ELF5: variants seen among roughly 807,000 people sequenced by gnomAD.
The protein encoded by ELF5 is E74 like ETS transcription factor 5.
In ELF5, 31 loss-of-function variants were observed where a neutral mutation model predicts 38.2. That is an observed-to-expected ratio of 0.81 (90% CI 0.61 to 1.10). The LOEUF (loss-of-function observed/expected upper bound fraction) is 1.10, where lower values mean the gene tolerates loss of function less well. ELF5 is among the 50% of genes least tolerant of loss of function. ELF5 has a pLI of 0.00. For synonymous variants in ELF5, 121 were observed against 112.5 expected, an observed-to-expected ratio of 1.08 and a Z score of -0.48; for missense variants, 300 against 306.6, an observed-to-expected ratio of 0.98 and a Z score of 0.16.
intron 4 of ELF5, among the ~76,000 whole-genome samples, chr11:34,483,355 TCTGTGCA>T (rs1360620102): frequency 6.6e-6 from 1 of 152,004 alleles, no homozygotes; most frequent in African/African-American, 2.4e-5. Context: ...TCACTGTCTG[TCTGTGCA>T]CACGAGGGGG....
chr11:34,503,256 T>C (rs1850516216), intron 2 of ELF5, among the ~76,000 whole-genome samples: 2 of 151,958 alleles, frequency 1.3e-5, no homozygotes, highest in African/African-American at 4.8e-5. Flanking sequence ...CCTTCTGAGC[T>C]CAAGGGATCC....
intron 1 of ELF5, among the ~76,000 whole-genome samples, chr11:34,512,995 C>T (rs1850801012): frequency 6.6e-6 from 1 of 152,154 alleles, no homozygotes; most frequent in African/African-American, 2.4e-5. Flanking sequence ...CACGCAGGCC[C>T]GGCTTCAGCC....
intron 4 of ELF5, among the ~76,000 whole-genome samples, chr11:34,485,492 G>C (rs190212084): frequency 6.6e-6 from 1 of 152,186 alleles, no homozygotes; most frequent in African/African-American, 2.4e-5. Context: ...GACAACAAGC[G>C]TTCACTGAAA....
chr11:34,508,764 A>G (rs925313733), intron 1 of ELF5, among the ~76,000 whole-genome samples: 2 of 152,206 alleles, frequency 1.3e-5, no homozygotes, highest in Non-Finnish European at 2.9e-5. Flanking sequence ...ACCATTTTAC[A>G]GTTGAGGAAG....
intron 3 of ELF5, 148 bp downstream of exon 3, chr11:34,493,331 A>T: frequency 1.3e-6 from 1 of 757,884 alleles, no homozygotes; most frequent in Non-Finnish European, 2.2e-6. Flanking sequence ...CTGGCATACT[A>T]GCTTCCAGTT....
chr11:34,481,053 T>G, intron 5 of ELF5, 86 bp from the exon 6 acceptor site: 1 of 1,103,484 alleles, frequency 9.1e-7, no homozygotes, highest in Non-Finnish European at 1.2e-6. Flanking sequence ...GACAGAGTCT[T>G]GCTCTGTCGC....
chr11:34,484,798 C>A (rs553229291), intron 4 of ELF5, among the ~76,000 whole-genome samples: 1 of 152,218 alleles, frequency 6.6e-6, no homozygotes, highest in South Asian at 2.1e-4. Context: ...AACTTTTTCC[C>A]TTCCCTTAGG....
chr11:34,490,323 G>C (rs1318444526), intron 3 of ELF5, among the ~76,000 whole-genome samples: 1 of 152,196 alleles, frequency 6.6e-6, no homozygotes, highest in African/African-American at 2.4e-5. Context: ...GATTTTCTGA[G>C]CAGGCACTGG....
chr11:34,501,740 T>C (rs1360920238), intron 2 of ELF5, among the ~76,000 whole-genome samples: 4 of 152,132 alleles, frequency 2.6e-5, no homozygotes, highest in African/African-American at 9.7e-5. Context: ...GCAGAAGTCC[T>C]GCTTCAAAGA....
intron 4 of ELF5, among the ~76,000 whole-genome samples, chr11:34,486,813 G>A (rs1850007539): frequency 6.6e-6 from 1 of 152,180 alleles, no homozygotes; most frequent in South Asian, 2.1e-4. Context: ...CTTAATAAAT[G>A]GTAAAGACAG....
intron 4 of ELF5, among the ~76,000 whole-genome samples, chr11:34,489,349 A>T (rs1850099724): frequency 6.6e-6 from 1 of 152,176 alleles, no homozygotes; most frequent in Admixed American, 6.5e-5. Flanking sequence ...CCCTCTCTGC[A>T]GATGACTGAG....
At chr11:34,495,278 G>A (rs1003952622) in intron 2 of ELF5, among the ~76,000 whole-genome samples, 2 of 152,186 alleles carry the variant, frequency 1.3e-5, no homozygotes, top group Admixed American at 1.3e-4. Context: ...TGACAGAAAG[G>A]GTCCCTCACA....
chr11:34,480,736 C>T (rs762636631), intron 6 of ELF5, 36 bp downstream of exon 6: 1 of 1,603,596 alleles, frequency 6.2e-7, no homozygotes, highest in Non-Finnish European at 8.5e-7. Context: ...TATAACTCTT[C>T]TTGAAGGCTC....
At chr11:34,505,091 C>G (rs1222762292) in intron 2 of ELF5, among the ~76,000 whole-genome samples, 1 of 152,190 alleles carries the variant, frequency 6.6e-6, no homozygotes, top group Non-Finnish European at 1.5e-5. Flanking sequence ...TTGCATGGAG[C>G]TTAACTGTGA....
At chr11:34,513,238 C>T (rs1487536660) in intron 1 of ELF5, among the ~76,000 whole-genome samples, 2 of 149,234 alleles carry the variant, frequency 1.3e-5, no homozygotes, top group African/African-American at 2.5e-5. Flanking sequence ...TTCTCTGTAT[C>T]GAGGGGGTGG....
chr11:34,483,901 AC>A (rs1856999225), intron 4 of ELF5, among the ~76,000 whole-genome samples: 1 of 151,840 alleles, frequency 6.6e-6, no homozygotes, highest in Non-Finnish European at 1.5e-5. Context: ...ACTACAGTGT[AC>A]TATACTATAC....
chr11:34,507,669 G>A (rs1405723166), intron 1 of ELF5, among the ~76,000 whole-genome samples: 1 of 152,132 alleles, frequency 6.6e-6, no homozygotes, highest in African/African-American at 2.4e-5. Flanking sequence ...CCATCTCCCC[G>A]CAATTCAGAA....
intron 2 of ELF5, among the ~76,000 whole-genome samples, chr11:34,496,688 G>A (rs935115602): frequency 1.3e-5 from 2 of 152,112 alleles, no homozygotes; most frequent in South Asian, 2.1e-4. Flanking sequence ...GCTTTTGCTC[G>A]CCCTGAACCA....
At chr11:34,480,411 G>T in intron 6 of ELF5, 97 bp from the exon 7 acceptor site, 1 of 983,432 alleles carries the variant, frequency 1.0e-6, no homozygotes. Context: ...CAGGTGACAA[G>T]GCTGGTCTTT....
Sources: allele counts gnomAD v4.1 joint callset (sites outside exome capture counted in the v4.1 genomes callset), GRCh38; gene constraint gnomAD v4.1.1; transcripts MANE v1.5; gene names NCBI Gene and HGNC (gene_info 2026-07-23, HGNC 2026-07-21).